The following NF2 variants were observed in gnomAD, a reference collection of about 807,000 sequenced individuals.
NF2 encodes the protein merlin.
Under a neutral mutation model 83.7 loss-of-function variants are expected in NF2, and 8 were observed. The ratio of observed to expected loss-of-function variants is 0.10; its 90% CI spans 0.06 to 0.17. The LOEUF (loss-of-function observed/expected upper bound fraction) is 0.17, where lower values mean the gene tolerates loss of function less well. NF2 is among the 10% of genes least tolerant of loss of function. The pLI, the probability that NF2 is intolerant of heterozygous loss-of-function variation, is 1.00. For synonymous variants in NF2, 266 were observed against 269.6 expected (o/e 0.99, Z 0.13); for missense variants, 533 against 744.4 (o/e 0.72, Z 3.31).
intron 1 of NF2, among the ~76,000 whole-genome samples, chr22:29,633,394 C>G (rs1376139416): frequency 6.6e-6 from 1 of 152,132 alleles, no homozygotes; most frequent in Non-Finnish European, 1.5e-5. Context: ...AATTCTGTCT[C>G]CTCTGGTCCT....
At position 29,695,856 on chromosome 22, in the gene NF2, C is replaced by G. The variant is rs1428876649; in HGVS notation, c.*1054C>G. The G allele has an allele frequency of 4.3e-6, 1 of 233,508 alleles. No individual in the cohort carries two copies. Among genetic ancestry groups the G allele is most frequent in the Non-Finnish European group, 8.5e-6 (1 of 118,258 alleles). 14.5% of individuals were successfully genotyped at this position (233,508 alleles called of 1,614,324 possible). A position where few individuals can be genotyped will look rare whatever the true frequency, so the allele number is the denominator to read the frequency against. On this transcript the variant is annotated 3_prime_UTR_variant, in exon 16 of 16. Transcript: ENST00000338641. The surrounding 1 kb of genome is among the most constrained non-coding windows in gnomAD (Gnocchi z 5.4). ...ACCCAGGCCTCACTTTGCTGTTGCC[C>G]TTGTCCCTCTTCGGGCCCTGAATTT...
intron 1 of NF2, among the ~76,000 whole-genome samples, chr22:29,615,045 G>GT (rs1413569189): frequency 5.3e-5 from 8 of 152,102 alleles, no homozygotes; most frequent in Non-Finnish European, 1.2e-4. Context: ...TTAGCCAGCC[G>GT]TGGTGGCATG....
chr22:29,672,697 C>T (rs2066836369), intron 11 of NF2, among the ~76,000 whole-genome samples: 1 of 150,040 alleles, frequency 6.7e-6, no homozygotes, highest in South Asian at 2.1e-4. Flanking sequence ...CTCACTGCAA[C>T]CTCCGCCTCC....
intron 11 of NF2, among the ~76,000 whole-genome samples, chr22:29,672,581 G>T (rs131256): frequency 0.053 from 8,061 of 151,704 alleles, 327 homozygotes; most frequent in Non-Finnish European, 0.069. Context: ...CAAAGTGCTG[G>T]GATTATAGGT....
intron 9 of NF2, among the ~76,000 whole-genome samples, chr22:29,667,480 A>G (rs895963797): frequency 2.6e-5 from 4 of 151,972 alleles, no homozygotes; most frequent in East Asian, 1.9e-4. Context: ...GGCTCAAGCA[A>G]TCTGCCTGCC....
At position 29,683,122 on chromosome 22, in the gene NF2, C is replaced by T. The variant is rs1196377396; in HGVS notation, c.1737+1521C>T. On this transcript the variant is annotated intron_variant, in intron 15 of 15. Transcript: ENST00000338641. ...ATGGTGCTGCCCTCTGTGATACTAA[C>T]CCGTGCATGAGCTTGCCTGTCTCTG... 1.9e-6 allele frequency: 3 copies of T among 1,614,028 alleles called. No homozygotes were observed. The African/African-American group carries it at 4.0e-5, about 22-fold the overall frequency.
In NF2 at chr22:29,697,953, ATGG is replaced by A. The variant is rs2067599772; in HGVS notation, c.*3156_*3158del. The A allele has an allele frequency of 4.4e-6, 1 of 224,968 alleles. No individual in the cohort carries two copies. The highest frequency in any genetic ancestry group is 8.9e-6 in the Non-Finnish European group (1 of 112,874). 13.9% of individuals were successfully genotyped at this position (224,968 alleles called of 1,614,324 possible). The stretch of plus-strand genomic sequence containing the variant: ...AAGCCCAAAGAGCAGCGTCCTGACC[ATGG>A]TGGTTTCATTACGAGCCCTTCTGCT... On this transcript the variant is annotated 3_prime_UTR_variant, in exon 16 of 16. Transcript: ENST00000338641.
Position 29,697,763 on chromosome 22 carries a change from T to G in NF2, c.*2961T>G, listed in dbSNP as rs1223690860. 2.3e-5 allele frequency: 4 copies of G among 177,128 alleles called. No individual in the cohort carries two copies. Among genetic ancestry groups the G allele is most frequent in the Non-Finnish European group, 3.6e-5 (3 of 82,496 alleles). 11.0% of individuals were successfully genotyped at this position (177,128 alleles called of 1,614,324 possible). A position where few individuals can be genotyped will look rare whatever the true frequency, so the allele number is the denominator to read the frequency against. ...GTATTTTTAGTGGAGACGGGGTTTC[T>G]CCATGTCGGTCAGGCTGGTCTCGAA... On this transcript the variant is annotated 3_prime_UTR_variant, in exon 16 of 16. Coordinates refer to ENST00000338641, the MANE Select transcript of NF2 (RefSeq NM_000268.4).
intron 15 of NF2, among the ~76,000 whole-genome samples, chr22:29,692,724 T>C (rs573577650): frequency 7.9e-5 from 12 of 152,202 alleles, no homozygotes; most frequent in African/African-American, 2.9e-4. Flanking sequence ...TGCTCCCCAC[T>C]GGAAGGAGAG....
At chr22:29,665,227 C>G (rs1239113603) in intron 9 of NF2, among the ~76,000 whole-genome samples, 163 bp downstream of exon 9, 1 of 144,584 alleles carries the variant, frequency 6.9e-6, no homozygotes, top group Non-Finnish European at 1.5e-5. Flanking sequence ...TAAATTATAT[C>G]ATGAAGAAGT....
At chr22:29,668,275 G>A (rs2066682634) in intron 9 of NF2, 58 bp from the exon 10 acceptor site, 1 of 1,276,654 alleles carries the variant, frequency 7.8e-7, no homozygotes, top group East Asian at 2.3e-5. Flanking sequence ...TAGTGGGCCA[G>A]TAGGCAGTGA....
At chr22:29,608,575 G>A (rs375698992) in intron 1 of NF2, among the ~76,000 whole-genome samples, 225 of 150,880 alleles carry the variant, frequency 1.5e-3, no homozygotes, top group African/African-American at 5.2e-3. Flanking sequence ...AGGTTGAGGC[G>A]GGAGAATTGC....
chr22:29,653,655 G>A (rs113634775), intron 4 of NF2, among the ~76,000 whole-genome samples: 5 of 152,208 alleles, frequency 3.3e-5, no homozygotes, highest in African/African-American at 7.2e-5. Context: ...GTTTTAGGCC[G>A]CTTCATTTGG....
chr22:29,617,921 T>A (rs1390257160), intron 1 of NF2, among the ~76,000 whole-genome samples: 1 of 152,244 alleles, frequency 6.6e-6, no homozygotes, highest in African/African-American at 2.4e-5. Flanking sequence ...TACATAGCTC[T>A]CTGGACCTTA....
rs2146971884 is a variant in NF2, at chr22:29,655,594, G to A, written c.517G>A (p.Val173Ile). ...LAQEELLPKR[V>I]INLYQMTPEM... The stretch of plus-strand genomic sequence containing the variant: ...TTTATTTTGCTCTATTTTTTGGTAG[G>A]TAATAAATCTGTATCAGATGACTCC... The change falls in exon 6 of 16, where the codon GTA becomes ATA. Residue 173 changes from valine to isoleucine, a missense_variant and splice_region_variant. This residue lies in a region of NF2 where 326 missense variants were observed against 475.1 expected (regional missense o/e 0.69). Transcript: ENST00000338641. 1.2e-6 allele frequency: 2 copies of A among 1,612,318 alleles called. No individual in the cohort carries two copies. Among genetic ancestry groups the A allele is most frequent in the Non-Finnish European group, 1.7e-6 (2 of 1,178,526 alleles).
At chr22:29,660,992 G>A (rs1241248702) in intron 7 of NF2, among the ~76,000 whole-genome samples, 2 of 152,218 alleles carry the variant, frequency 1.3e-5, no homozygotes, top group Non-Finnish European at 2.9e-5. Context: ...TTGTTCTGGG[G>A]GACCCAGAAG....
At chr22:29,639,606 C>T (rs573998038) in intron 3 of NF2, among the ~76,000 whole-genome samples, 14 of 152,170 alleles carry the variant, frequency 9.2e-5, no homozygotes, top group South Asian at 2.1e-4. Flanking sequence ...GAGGACTGGC[C>T]GGGCATGGTG....
At chr22:29,664,932 A>G in intron 8 of NF2, 58 bp from the exon 9 acceptor site, 3 of 1,286,348 alleles carry the variant, frequency 2.3e-6, no homozygotes, top group Non-Finnish European at 2.3e-6. Flanking sequence ...GGAATTTCCA[A>G]TTGCTGGTAA....
At chr22:29,640,545 C>T (rs898088972) in intron 3 of NF2, among the ~76,000 whole-genome samples, 20 of 152,218 alleles carry the variant, frequency 1.3e-4, no homozygotes, top group African/African-American at 4.8e-4. Context: ...AGTTTCATGG[C>T]CAGTTGCAGT....
Sources: allele counts gnomAD v4.1 joint callset (sites outside exome capture counted in the v4.1 genomes callset), GRCh38; gene constraint gnomAD v4.1.1; regional missense constraint gnomAD v4.1.1; non-coding constraint Gnocchi (gnomAD v3.1); transcripts MANE v1.5; gene names NCBI Gene and HGNC (gene_info 2026-07-23, HGNC 2026-07-21).